Variants in THADA observed in about 807,000 individuals in gnomAD.
THADA encodes THADA armadillo repeat containing.
Under a neutral mutation model 219.8 loss-of-function variants are expected in THADA, and 213 were observed. The observed-to-expected ratio is 0.97, with a 90% confidence interval of 0.87 to 1.09. The LOEUF (loss-of-function observed/expected upper bound fraction) is 1.09, where lower values mean the gene tolerates loss of function less well. THADA is among the 50% of genes least tolerant of loss of function. The probability of loss-of-function intolerance (pLI) is 0.00; values close to 1 mark genes in which losing one functional copy is unlikely to be tolerated. For missense variants in THADA, 2,956 were observed against 2,311.3 expected, an observed-to-expected ratio of 1.28 and a Z score of -5.72; for synonymous variants, 1,018 against 828.9, an observed-to-expected ratio of 1.23 and a Z score of -3.92.
chr2:43,422,445 T>C (rs1383326015), intron 28 of THADA, among the ~76,000 whole-genome samples: 1 of 152,104 alleles, frequency 6.6e-6, no homozygotes, highest in Admixed American at 6.5e-5. Context: ...CAGAACAGAA[T>C]AATAAGGAGA....
chr2:43,357,622 C>G (rs1483292874), intron 29 of THADA, among the ~76,000 whole-genome samples: 1 of 152,116 alleles, frequency 6.6e-6, no homozygotes, highest in Admixed American at 6.6e-5. Context: ...TTAGAAATGA[C>G]CAATACGGGA....
intron 26 of THADA, among the ~76,000 whole-genome samples, chr2:43,455,729 T>C (rs898101779): frequency 2.0e-5 from 3 of 152,218 alleles, no homozygotes; most frequent in Non-Finnish European, 4.4e-5. Context: ...CTTATACTCA[T>C]CCAAACACGC....
chr2:43,424,160 T>G (rs1479066707), intron 28 of THADA, among the ~76,000 whole-genome samples: 3 of 152,220 alleles, frequency 2.0e-5, no homozygotes, highest in Non-Finnish European at 4.4e-5. Flanking sequence ...TGTTTAGGTA[T>G]ACTCTTAAAC....
intron 34 of THADA, 69 bp downstream of exon 34, chr2:43,291,627 A>T: frequency 8.0e-7 from 1 of 1,247,134 alleles, no homozygotes; most frequent in Non-Finnish European, 1.1e-6. Context: ...GTTCACTTTT[A>T]CTGACATCTT....
chr2:43,565,491 G>C (rs1412761636), intron 15 of THADA: 1 of 150,822 alleles, frequency 6.6e-6, no homozygotes, highest in Non-Finnish European at 1.5e-5. Flanking sequence ...CATTGAACCA[G>C]TCTTGAAACT....
chr2:43,441,637 T>C (rs1680857370), intron 26 of THADA, among the ~76,000 whole-genome samples: 1 of 152,192 alleles, frequency 6.6e-6, no homozygotes, highest in South Asian at 2.1e-4. Flanking sequence ...ACCATGACCA[T>C]ATTAGTTTTC....
chr2:43,466,324 A>G (rs1193000626), intron 26 of THADA, among the ~76,000 whole-genome samples: 1 of 152,146 alleles, frequency 6.6e-6, no homozygotes, highest in Non-Finnish European at 1.5e-5. Flanking sequence ...CACTACCATC[A>G]TCTGTCCTCC....
At chr2:43,460,769 A>T in intron 26 of THADA, among the ~76,000 whole-genome samples, 1 of 152,224 alleles carries the variant, frequency 6.6e-6, no homozygotes, top group East Asian at 1.9e-4. Context: ...GTGGTATAAC[A>T]TTGCTCTGGA....
At chr2:43,306,672 A>G (rs1676901029) in intron 31 of THADA, among the ~76,000 whole-genome samples, 1 of 152,220 alleles carries the variant, frequency 6.6e-6, no homozygotes, top group African/African-American at 2.4e-5. Flanking sequence ...TGCAAGGTGC[A>G]GTATACAGCT....
Position 43,320,547 on chromosome 2 carries a change from A to G in THADA, c.4344-7T>C, listed in dbSNP as rs1678585240. The G allele has an allele frequency of 6.2e-7, 1 of 1,604,760 alleles. No individual in the cohort carries two copies. The highest frequency in any genetic ancestry group is 1.7e-5 in the Admixed American group (1 of 59,342). On this transcript the variant is annotated splice_polypyrimidine_tract_variant and splice_region_variant and intron_variant, in intron 30 of 37. Coordinates refer to ENST00000405975, the MANE Select transcript of THADA (RefSeq NM_022065.5). ...CACCAAACATGGATTTTGCCTAGAA[A>G]GGTAAAGAACAGAATATAAATTGAG...
chr2:43,448,560 C>CTTTTTTTTTTTT (rs71410179), intron 26 of THADA, among the ~76,000 whole-genome samples: 5 of 103,628 alleles, frequency 4.8e-5, no homozygotes, highest in Non-Finnish European at 9.4e-5. Flanking sequence ...TTCTTCCTTT[C>CTTTTTTTTTTTT]TTTTTTTTTT....
chr2:43,579,985 T>A (rs910749649), intron 8 of THADA, among the ~76,000 whole-genome samples: 1 of 151,924 alleles, frequency 6.6e-6, no homozygotes, highest in African/African-American at 2.4e-5. Flanking sequence ...AGAATAGTAC[T>A]GATTAGGTGC....
intron 34 of THADA, among the ~76,000 whole-genome samples, chr2:43,291,095 G>A (rs758449536): frequency 4.0e-5 from 6 of 151,894 alleles, no homozygotes; most frequent in Non-Finnish European, 8.8e-5. Context: ...AAAACAAGGG[G>A]TTTGGGCATA....
intron 17 of THADA, among the ~76,000 whole-genome samples, chr2:43,555,196 AACTG>A (rs1697199928): frequency 6.6e-6 from 1 of 151,922 alleles, no homozygotes; most frequent in Non-Finnish European, 1.5e-5. Flanking sequence ...TATCATGTAA[AACTG>A]AATAATATAT....
Position 43,332,904 on chromosome 2 carries a change from G to A in THADA, c.4343+11218C>T, listed in dbSNP as rs150722555. On this transcript the variant is annotated intron_variant, in intron 30 of 37. Coordinates refer to ENST00000405975, the MANE Select transcript of THADA (RefSeq NM_022065.5). ...GAATTCTTGGTGTGTGTGCAGTTGC[G>A]TAAAAGGACTATTTTTATTTCTCGC... Among the ~76,000 whole-genome samples the A allele has an allele frequency of 7.7e-4, 117 of 152,294 alleles. 2 individuals carry two copies. Among genetic ancestry groups the A allele is most frequent in the South Asian group, 6.2e-4 (3 of 4,828 alleles).
At chr2:43,357,112 G>C (rs948592360) in intron 29 of THADA, among the ~76,000 whole-genome samples, 3 of 152,166 alleles carry the variant, frequency 2.0e-5, no homozygotes, top group African/African-American at 7.2e-5. Context: ...CACATACTTT[G>C]GGAACTGCAA....
At chr2:43,283,890 G>A (rs1306661995) in intron 35 of THADA, among the ~76,000 whole-genome samples, 2 of 152,190 alleles carry the variant, frequency 1.3e-5, no homozygotes, top group Admixed American at 1.3e-4. Flanking sequence ...AAGTAAAGAG[G>A]AGCCAAGGCT....
rs928981904 is a variant in THADA at position 43,406,878 on chromosome 2, G to T, written c.4059-8739C>A. Among the ~76,000 whole-genome samples, 4 of 152,202 alleles carry T rather than the reference G, an allele frequency of 2.6e-5. No individual in the cohort carries two copies. The East Asian group carries it at 7.7e-4, about 29-fold the overall frequency. ...GGGATGAGCTGCATGTAAGGCAGGAGCTGGGCTGCAGCATATGCAGAATGA... is the reference window on the plus strand; with the variant it reads ...GGGATGAGCTGCATGTAAGGCAGGATCTGGGCTGCAGCATATGCAGAATGA... On this transcript the variant is annotated intron_variant, in intron 28 of 37. Coordinates refer to ENST00000405975, the MANE Select transcript of THADA (RefSeq NM_022065.5).
In THADA at chr2:43,592,031, T is replaced by C; in HGVS notation, c.92A>G (p.Glu31Gly). Residue 31 changes from glutamate to glycine, a missense_variant, in exon 3 of 38, where the codon GAA becomes GGA. Glu to Gly is a moderately conservative substitution (Grantham distance 98). Coordinates refer to ENST00000405975, the MANE Select transcript of THADA (RefSeq NM_022065.5). ...LETLKSFADV[E>G]GKNLASLLLH... Reference sequence around the variant, plus strand: ...CAGCAAAGAAGCTAGATTTTTCCCTTCCACATCAGCAAAAGCTATATAACA... The same window carrying C: ...CAGCAAAGAAGCTAGATTTTTCCCTCCCACATCAGCAAAAGCTATATAACA... The C allele has an allele frequency of 3.2e-6, 5 of 1,559,544 alleles. No homozygotes were observed. The highest frequency in any genetic ancestry group is 4.3e-6 in the Non-Finnish European group (5 of 1,150,774).
Sources: allele counts gnomAD v4.1 joint callset (sites outside exome capture counted in the v4.1 genomes callset), GRCh38; gene constraint gnomAD v4.1.1; transcripts MANE v1.5; gene names NCBI Gene and HGNC (gene_info 2026-07-23, HGNC 2026-07-21).